CCDC88B: variants seen among roughly 807,000 people sequenced by gnomAD.
The protein encoded by CCDC88B is coiled-coil domain-containing protein 88B.
Under a neutral mutation model 183.7 loss-of-function variants are expected in CCDC88B, and 138 were observed. That is an observed-to-expected ratio of 0.75 (90% CI 0.65 to 0.87). The LOEUF (loss-of-function observed/expected upper bound fraction) is 0.87, where lower values mean the gene tolerates loss of function less well. Ranked by LOEUF, CCDC88B falls within the 40% of genes least tolerant of loss-of-function variation. The probability of loss-of-function intolerance (pLI) is 0.00; values close to 1 mark genes in which losing one functional copy is unlikely to be tolerated. For synonymous variants in CCDC88B, 835 were observed against 867.5 expected (o/e 0.96, Z 0.66); for missense variants, 1,822 against 1,965.6 (o/e 0.93, Z 1.38).
At chr11:64,355,735 C>T in intron 26 of CCDC88B, 107 bp downstream of exon 26, 1 of 1,107,592 alleles carries the variant, frequency 9.0e-7, no homozygotes, top group South Asian at 1.6e-5. Flanking sequence ...TTACCAAGTG[C>T]CAGGTGACGT....
intron 21 of CCDC88B, 31 bp downstream of exon 21, chr11:64,353,271 C>A (rs1214659653): frequency 1.3e-6 from 2 of 1,568,240 alleles, no homozygotes; most frequent in South Asian, 1.2e-5. Context: ...GGGGTATGGG[C>A]GTGTGGTGGG....
chr11:64,355,520 G>A (rs746865973), intron 25 of CCDC88B, 40 bp from the exon 26 acceptor site: 10 of 1,608,280 alleles, frequency 6.2e-6, no homozygotes, highest in South Asian at 1.1e-5. Flanking sequence ...GTCCACTTCC[G>A]CACTGGCCCT....
rs553609729 is a variant in CCDC88B at position 64,345,332 on chromosome 11, C to T, written c.2616+175C>T. Among the ~76,000 whole-genome samples, 51 of 152,260 alleles carry T rather than the reference C, an allele frequency of 3.3e-4. No homozygotes were observed. The East Asian group carries it at 8.9e-3, about 27-fold the overall frequency. On this transcript the variant is annotated intron_variant, in intron 14 of 26. Coordinates refer to ENST00000356786, the MANE Select transcript of CCDC88B (RefSeq NM_032251.6). ...GGTGTGCCTGGCCTGGGGCACAGAG[C>T]CATGTCCACTGTGTGATGGGGGCGC...
intron 24 of CCDC88B, among the ~76,000 whole-genome samples, chr11:64,354,815 C>A (rs926566510): frequency 9.2e-6 from 1 of 109,076 alleles, no homozygotes; most frequent in African/African-American, 3.8e-5. Flanking sequence ...CAGCCTCCCC[C>A]CCTCCTCTGA....
In CCDC88B at chr11:64,341,421, T is replaced by C; in HGVS notation, c.448T>C (p.Cys150Arg). 6.2e-7 allele frequency: 1 copy of C among 1,613,926 alleles called. No individual in the cohort carries two copies. The highest frequency in any genetic ancestry group is 8.5e-7 in the Non-Finnish European group (1 of 1,179,980). The part of the protein sequence containing the change: ...LRLLLGASVQ[C>R]EHRELFIRHI... ...AGCTCCCCTTCCTGTCTCCCCTCAGTGTGAGCACCGGGAACTCTTCATCCG... is the reference window on the plus strand; with the variant it reads ...AGCTCCCCTTCCTGTCTCCCCTCAGCGTGAGCACCGGGAACTCTTCATCCG... Residue 150 changes from cysteine (C) to arginine (R), a missense_variant and splice_region_variant, in exon 6 of 27, where the codon TGT becomes CGT. Cys to Arg is a radical substitution (Grantham distance 180). Transcript: ENST00000356786.
At position 64,352,179 on chromosome 11, in the gene CCDC88B, TGGA is replaced by T. The variant is rs1355478555; in HGVS notation, c.3152_3154del (p.Glu1051del). ...CAGGGCCAGGAGCTGCACCGGAAGC[TGGA>T]GGTGCTGGAGGAGGAGGTGCGGGCG... On this transcript the variant is annotated inframe_deletion, in exon 19 of 27. Transcript: ENST00000356786. 1 of 1,604,848 alleles carries T rather than the reference TGGA, an allele frequency of 6.2e-7. No individual in the cohort carries two copies.
intron 14 of CCDC88B, chr11:64,348,939 C>T (rs1309408278): frequency 4.2e-6 from 3 of 709,296 alleles, no homozygotes; most frequent in African/African-American, 3.5e-5. Context: ...GTCTCTCACC[C>T]GACCCACCTC....
At position 64,342,371 on chromosome 11, in the gene CCDC88B, A is replaced by G; in HGVS notation, c.899A>G (p.Gln300Arg). The G allele has an allele frequency of 6.3e-7, 1 of 1,580,950 alleles. No individual in the cohort carries two copies. Among genetic ancestry groups the G allele is most frequent in the Non-Finnish European group, 8.6e-7 (1 of 1,164,160 alleles). The change falls in exon 9 of 27, where the codon CAG becomes CGG. Residue 300 changes from glutamine (Q) to arginine (R), a missense_variant. Coordinates refer to ENST00000356786, the MANE Select transcript of CCDC88B (RefSeq NM_032251.6). ...GAGGCCGAAATAAGAAGGCTCCGCC[A>G]GGAGGTGCGCTCACATGCTCCCCGC... ...GLEAEIRRLRQEAQALSGQAK... is the reference protein window; with the variant it reads ...GLEAEIRRLRREAQALSGQAK...
Position 64,349,676 on chromosome 11 carries a change from C to G in CCDC88B, c.2862+8C>G. On this transcript the variant is annotated splice_region_variant and intron_variant, in intron 16 of 26. Coordinates refer to ENST00000356786, the MANE Select transcript of CCDC88B (RefSeq NM_032251.6). ...GAAGAGGAGCTGTTCCAGGTGATGC[C>G]TGCCCGCCTGGGAGCTGGGGGCCAT... The G allele has an allele frequency of 1.3e-6, 2 of 1,580,690 alleles. No individual in the cohort carries two copies. Among genetic ancestry groups the G allele is most frequent in the Non-Finnish European group, 1.7e-6 (2 of 1,162,706 alleles).
rs1279834224 is a variant in CCDC88B at position 64,351,152 on chromosome 11, C to T, written c.2863-8C>T. Reference sequence around the variant, plus strand: ...TCCCGCATGACCTCCCAGGGACTCTCCTTGCAGCTGCGCCAGGGCCCCGCG... The same window carrying T: ...TCCCGCATGACCTCCCAGGGACTCTTCTTGCAGCTGCGCCAGGGCCCCGCG... On this transcript the variant is annotated splice_region_variant and splice_polypyrimidine_tract_variant and intron_variant, in intron 16 of 26. Transcript: ENST00000356786. The T allele has an allele frequency of 1.4e-6, 2 of 1,471,832 alleles. No homozygotes were observed. The highest frequency in any genetic ancestry group is 2.8e-5 in the Admixed American group (1 of 36,024). 91.2% of individuals were successfully genotyped at this position (1,471,832 alleles called of 1,614,324 possible).
chr11:64,342,488 C>T (rs1008687060), intron 9 of CCDC88B, 34 bp from the exon 10 acceptor site: 3 of 1,528,984 alleles, frequency 2.0e-6, no homozygotes, highest in Admixed American at 4.0e-5. Context: ...TGGCCCGCGG[C>T]TGGCTGTTCC....
At position 64,340,240 on chromosome 11, in the gene CCDC88B, C is replaced by A. The variant is rs370532394; in HGVS notation, c.-27C>A. The A allele has an allele frequency of 1.6e-4, 199 of 1,260,108 alleles. 2 individuals are homozygous for A. In the African/African-American group the frequency reaches 2.6e-3, roughly 16 times the overall value. The allele number at this position is 1,260,108 out of a possible 1,614,324, so 78.1% of individuals were successfully genotyped here. The stretch of plus-strand genomic sequence containing the variant: ...CCTCTCAGGGCAGGTGCAGCTGCCA[C>A]AGTGAGACGGGCACCCCGACCCGGG... On this transcript the variant is annotated 5_prime_UTR_variant, in exon 1 of 27. Coordinates refer to ENST00000356786, the MANE Select transcript of CCDC88B (RefSeq NM_032251.6).
intron 14 of CCDC88B, among the ~76,000 whole-genome samples, chr11:64,347,013 C>T (rs1405058041): frequency 1.3e-5 from 2 of 151,856 alleles, no homozygotes; most frequent in Non-Finnish European, 2.9e-5. Context: ...CCAGGATGGT[C>T]TCAATCTCTT....
rs1416538410 is a variant in CCDC88B, at chr11:64,353,126, C to T, written c.3573C>T (p.Gly1191=). The part of the protein sequence containing the change: ...ELQGERGELR[G]RLARLELERA... ...AGGGTGAACGCGGGGAGCTACGGGGCCGGCTGGCGCGGCTGGAGCTGGAGC... is the reference window on the plus strand; with the variant it reads ...AGGGTGAACGCGGGGAGCTACGGGGTCGGCTGGCGCGGCTGGAGCTGGAGC... Residue 1191 remains glycine (G), a synonymous_variant, in exon 21 of 27, where the codon GGC becomes GGT. Coordinates refer to ENST00000356786, the MANE Select transcript of CCDC88B (RefSeq NM_032251.6). 5 of 1,603,378 alleles carry T rather than the reference C, an allele frequency of 3.1e-6. No individual in the cohort carries two copies. Among genetic ancestry groups the T allele is most frequent in the Non-Finnish European group, 8.5e-7 (1 of 1,176,062 alleles).
chr11:64,344,251 G>T lies in CCDC88B; in HGVS notation c.1710G>T (p.Gln570His). 6 of 1,613,718 alleles carry T rather than the reference G, an allele frequency of 3.7e-6. No individual in the cohort carries two copies. Among genetic ancestry groups the T allele is most frequent in the Non-Finnish European group, 5.1e-6 (6 of 1,179,964 alleles). ...SPLQAAAMDPQASDWSPQESG... is the reference protein window; with the variant it reads ...SPLQAAAMDPHASDWSPQESG... ...TTCAGGCAGCTGCCATGGACCCCCA[G>T]GCCTCAGACTGGTCCCCGCAAGAGT... Residue 570 changes from glutamine (Q) to histidine (H), a missense_variant, in exon 14 of 27, where the codon CAG becomes CAT. Coordinates refer to ENST00000356786, the MANE Select transcript of CCDC88B (RefSeq NM_032251.6). This position sits in a 1 kb window ranked among gnomAD's most constrained non-coding sequence, Gnocchi z 4.5.
At chr11:64,340,561 C>A in intron 1 of CCDC88B, 46 bp from the exon 2 acceptor site, 1 of 1,582,666 alleles carries the variant, frequency 6.3e-7, no homozygotes, top group Admixed American at 1.7e-5. Context: ...CGGAGGGGCT[C>A]AGGGTTCACT....
intron 14 of CCDC88B, chr11:64,348,893 C>T (rs978848116): frequency 1.5e-6 from 1 of 656,214 alleles, no homozygotes; most frequent in South Asian, 1.7e-5. Context: ...ACTTCCTGTC[C>T]CTCCAGCCCT....
At position 64,352,171 on chromosome 11, in the gene CCDC88B, C is replaced by G; in HGVS notation, c.3141C>G (p.His1047Gln). 2 of 1,602,330 alleles carry G rather than the reference C, an allele frequency of 1.2e-6. No homozygotes were observed. Among genetic ancestry groups the G allele is most frequent in the Non-Finnish European group, 1.7e-6 (2 of 1,171,688 alleles). The stretch of plus-strand genomic sequence containing the variant: ...TGGAGATTCAGGGCCAGGAGCTGCA[C>G]CGGAAGCTGGAGGTGCTGGAGGAGG... ...SVLEIQGQEL[H>Q]RKLEVLEEEV... Residue 1047 changes from histidine to glutamine, a missense_variant, in exon 19 of 27, where the codon CAC becomes CAG. Physicochemically the swap from His to Gln is conservative, Grantham distance 24. Transcript: ENST00000356786.
Position 64,352,736 on chromosome 11 carries a change from C to A in CCDC88B, c.3357-8C>A. ...CACACAGCCCTCTTAGCCCCTTGTC[C>A]ATCCCAGGCACGAGCAGCTGCAGGC... On this transcript the variant is annotated splice_region_variant and splice_polypyrimidine_tract_variant and intron_variant, in intron 19 of 26. Transcript: ENST00000356786. The A allele has an allele frequency of 6.2e-7, 1 of 1,613,410 alleles. No homozygotes were observed. Among genetic ancestry groups the A allele is most frequent in the Non-Finnish European group, 8.5e-7 (1 of 1,179,992 alleles).
Sources: gnomAD v4.1 joint callset for allele counts (sites outside exome capture counted in the v4.1 genomes callset) on GRCh38, gnomAD v4.1.1 for gene constraint, Gnocchi (gnomAD v3.1) non-coding constraint, MANE v1.5 for transcripts, NCBI Gene and HGNC (gene_info 2026-07-23, HGNC 2026-07-21) for gene names.